RPRD2: variants seen among roughly 807,000 people sequenced by gnomAD.
RPRD2 encodes regulation of nuclear pre-mRNA domain-containing protein 2.
A neutral mutation model predicts 104.4 loss-of-function variants in RPRD2; 12 were observed. The ratio of observed to expected loss-of-function variants is 0.11; its 90% CI spans 0.07 to 0.19. The LOEUF is 0.19. Ranked by LOEUF, RPRD2 falls within the 10% of genes least tolerant of loss-of-function variation. The probability of loss-of-function intolerance (pLI) is 1.00; values close to 1 mark genes in which losing one functional copy is unlikely to be tolerated. For missense variants in RPRD2, 1,543 were observed against 1,790.1 expected (o/e 0.86, Z 2.49); for synonymous variants, 714 against 684.9 (o/e 1.04, Z -0.66).
intron 1 of RPRD2, among the ~76,000 whole-genome samples, chr1:150,416,887 A>C (rs797025473): frequency 2.6e-5 from 4 of 151,418 alleles, no homozygotes; most frequent in South Asian, 2.1e-4. Flanking sequence ...AAAAAAAAAA[A>C]AAAACAAAAA....
rs587724197 is a variant in RPRD2 at position 150,441,719 on chromosome 1, G to A, written c.437-162G>A. 414 of 515,490 alleles carry A rather than the reference G, an allele frequency of 8.0e-4. 1 individual carries two copies. Among genetic ancestry groups the A allele is most frequent in the African/African-American group, 9.8e-4 (50 of 50,856 alleles). The allele number at this position is 515,490 out of a possible 1,614,324, so 31.9% of individuals were successfully genotyped here. A position where few individuals can be genotyped will look rare whatever the true frequency, so the allele number is the denominator to read the frequency against. On this transcript the variant is annotated intron_variant, in intron 3 of 10. Coordinates refer to ENST00000369068, the MANE Select transcript of RPRD2 (RefSeq NM_015203.5). ...TGTTTATTTGACAGCTTCTTAGATC[G>A]GGTAGGAATTTCTATTTTTTCATAA...
chr1:150,380,605 C>T (rs1553880602), intron 1 of RPRD2, among the ~76,000 whole-genome samples: 1 of 152,132 alleles, frequency 6.6e-6, no homozygotes. Context: ...GCCTCAGCCT[C>T]CCAAAGTGCT....
intron 2 of RPRD2, among the ~76,000 whole-genome samples, chr1:150,425,073 A>C (rs1665026124): frequency 6.6e-6 from 1 of 152,156 alleles, no homozygotes; most frequent in Admixed American, 6.5e-5. Context: ...CTGTCACCTC[A>C]TAACTCTATA....
chr1:150,413,196 A>G (rs587639774), intron 1 of RPRD2, among the ~76,000 whole-genome samples: 1 of 152,192 alleles, frequency 6.6e-6, no homozygotes, highest in South Asian at 2.1e-4. Context: ...AAAATTGGCT[A>G]GAGTTTGGAG....
Position 150,471,960 on chromosome 1 carries a change from G to A in RPRD2, c.3012G>A (p.Thr1004=), listed in dbSNP as rs373384438. The A allele has an allele frequency of 2.2e-5, 36 of 1,613,768 alleles. No individual in the cohort carries two copies. In the Admixed American group the frequency reaches 2.3e-4, roughly 10 times the overall value. The change falls in exon 11 of 11, where the codon ACG becomes ACA. Residue 1004 remains threonine, a synonymous_variant. Transcript: ENST00000369068. The surrounding 1 kb of genome is among the most constrained non-coding windows in gnomAD (Gnocchi z 5.3). The part of the protein sequence containing the change: ...EKVLASTIST[T]STIEFKNMLK... The stretch of plus-strand genomic sequence containing the variant: ...TCCTGGCCTCCACCATTTCCACCAC[G>A]TCGACGATTGAATTTAAGAATATGC...
At chr1:150,384,450 C>CATCATTATTATT (rs1553881396) in intron 1 of RPRD2, among the ~76,000 whole-genome samples, 87 of 132,340 alleles carry the variant, frequency 6.6e-4, no homozygotes, top group African/African-American at 2.0e-3. Flanking sequence ...GCATCATCAT[C>CATCATTATTATT]ATTATTATTA....
At chr1:150,434,311 G>A (rs587703412) in intron 2 of RPRD2, among the ~76,000 whole-genome samples, 5 of 151,788 alleles carry the variant, frequency 3.3e-5, no homozygotes, top group South Asian at 4.2e-4. Context: ...AGTTGAGATC[G>A]TGCAACTGCC....
intron 1 of RPRD2, among the ~76,000 whole-genome samples, chr1:150,376,417 G>A (rs1288001845): frequency 6.6e-6 from 1 of 151,556 alleles, no homozygotes; most frequent in Non-Finnish European, 1.5e-5. Context: ...AACATTTTTT[G>A]TTTTAAAAAA....
intron 2 of RPRD2, among the ~76,000 whole-genome samples, chr1:150,428,016 G>T (rs1305185333): frequency 1.3e-5 from 2 of 152,030 alleles, no homozygotes; most frequent in Non-Finnish European, 2.9e-5. Context: ...AAAAATTTTT[G>T]AGTTTGATTA....
intron 2 of RPRD2, among the ~76,000 whole-genome samples, chr1:150,418,603 T>G (rs1051281838): frequency 3.3e-5 from 5 of 152,226 alleles, no homozygotes; most frequent in Admixed American, 1.3e-4. Flanking sequence ...AAGGGTTCTG[T>G]GCTCAAAAAA....
intron 1 of RPRD2, among the ~76,000 whole-genome samples, chr1:150,398,683 A>T (rs1553884739): frequency 6.6e-6 from 1 of 151,810 alleles, no homozygotes; most frequent in African/African-American, 2.4e-5. Context: ...AGCTGGGATT[A>T]CAGGTGCGCA....
intron 2 of RPRD2, among the ~76,000 whole-genome samples, chr1:150,418,795 A>G (rs587683844): frequency 1.3e-5 from 2 of 152,280 alleles, no homozygotes; most frequent in South Asian, 4.2e-4. Context: ...GTGGTGGATC[A>G]TGAGGTCAGG....
intron 7 of RPRD2, among the ~76,000 whole-genome samples, chr1:150,456,002 T>A (rs28630760): frequency 1.3e-5 from 2 of 151,938 alleles, no homozygotes; most frequent in African/African-American, 2.4e-5. Flanking sequence ...AATTTTTTTT[T>A]ATTTTTTTGT....
At chr1:150,408,302 TTG>T (rs1663647362) in intron 1 of RPRD2, among the ~76,000 whole-genome samples, 1 of 151,092 alleles carries the variant, frequency 6.6e-6, no homozygotes, top group Non-Finnish European at 1.5e-5. Flanking sequence ...GTATCTGGGA[TTG>T]CAGGTACCCG....
At chr1:150,458,858 G>C (rs2102408398) in intron 8 of RPRD2, among the ~76,000 whole-genome samples, 1 of 152,220 alleles carries the variant, frequency 6.6e-6, no homozygotes, top group South Asian at 2.1e-4. Context: ...TGGGCAGGCT[G>C]GTCTCGAACT....
chr1:150,443,726 C>T (rs2102362909), intron 5 of RPRD2, among the ~76,000 whole-genome samples: 1 of 152,238 alleles, frequency 6.6e-6, no homozygotes, highest in East Asian at 1.9e-4. Flanking sequence ...TGTAACTAGG[C>T]TGGGCGCGGT....
At position 150,383,315 on chromosome 1, in the gene RPRD2, T is replaced by G. The variant is rs587716759; in HGVS notation, c.205+18396T>G. Among the ~76,000 whole-genome samples the G allele has an allele frequency of 4.7e-5, 7 of 150,052 alleles. No homozygotes were observed. In the East Asian group the frequency reaches 1.2e-3, roughly 25 times the overall value. Reference sequence around the variant, plus strand: ...TGGCCTCAAATAAGAGGTTTTTTTTTTTTTTTTTTTTGGTGACGGAGTCTT... The same window carrying G: ...TGGCCTCAAATAAGAGGTTTTTTTTGTTTTTTTTTTTGGTGACGGAGTCTT... On this transcript the variant is annotated intron_variant, in intron 1 of 10. Transcript: ENST00000369068.
chr1:150,394,597 T>A (rs1662347731), intron 1 of RPRD2, among the ~76,000 whole-genome samples: 1 of 152,074 alleles, frequency 6.6e-6, no homozygotes, highest in Non-Finnish European at 1.5e-5. Context: ...TTTTTTTGTT[T>A]TGTTTTTGTT....
chr1:150,470,291 C>T (rs944022415), intron 10 of RPRD2, among the ~76,000 whole-genome samples: 1 of 152,042 alleles, frequency 6.6e-6, no homozygotes, highest in African/African-American at 2.4e-5. Flanking sequence ...TTAAAATCTC[C>T]CCCTTCCTGT....
Sources: allele counts gnomAD v4.1 joint callset (sites outside exome capture counted in the v4.1 genomes callset), GRCh38; gene constraint gnomAD v4.1.1; non-coding constraint Gnocchi (gnomAD v3.1); transcripts MANE v1.5; gene names NCBI Gene and HGNC (gene_info 2026-07-23, HGNC 2026-07-21).